The following KLF12 variants were observed in gnomAD, a reference collection of about 807,000 sequenced individuals.
KLF12 encodes the protein KLF transcription factor 12.
A neutral mutation model predicts 37.8 loss-of-function variants in KLF12; 9 were observed. That is an observed-to-expected ratio of 0.24 (90% CI 0.14 to 0.42). KLF12 has a LOEUF of 0.42. Ranked by LOEUF, KLF12 falls within the 10% of genes least tolerant of loss-of-function variation. The pLI, the probability that KLF12 is intolerant of heterozygous loss-of-function variation, is 1.00. For synonymous variants in KLF12, 208 were observed against 202.1 expected, an observed-to-expected ratio of 1.03 and a Z score of -0.25; for missense variants, 411 against 516.0, an observed-to-expected ratio of 0.80 and a Z score of 1.97.
At chr13:74,145,979 G>T in the KLF12 span, among the ~76,000 whole-genome samples, 1 of 152,130 alleles carries the variant, frequency 6.6e-6, no homozygotes, top group African/African-American at 2.4e-5. Flanking sequence ...AAATCTAAAA[G>T]AAGGTTTTAT....
At chr13:74,095,552 C>A (rs1229930681) in intron 1 of KLF12, among the ~76,000 whole-genome samples, 1 of 152,032 alleles carries the variant, frequency 6.6e-6, no homozygotes, top group African/African-American at 2.4e-5. Context: ...CCATGCCCAG[C>A]TTATTTTGTG....
At chr13:74,286,547 C>T in the KLF12 span, among the ~76,000 whole-genome samples, 9 of 152,124 alleles carry the variant, frequency 5.9e-5, no homozygotes, top group Non-Finnish European at 4.4e-5. Context: ...GCAGGTAATA[C>T]CATCCATGCA....
At chr13:74,237,971 A>G in the KLF12 span, among the ~76,000 whole-genome samples, 1 of 150,860 alleles carries the variant, frequency 6.6e-6, no homozygotes, top group African/African-American at 2.5e-5. Flanking sequence ...AACTTCCAAC[A>G]CTATGTTGAA....
intron 1 of KLF12, among the ~76,000 whole-genome samples, chr13:74,125,443 G>C (rs962563574): frequency 2.0e-5 from 3 of 152,064 alleles, no homozygotes; most frequent in Admixed American, 2.0e-4. Flanking sequence ...TGGATATTGT[G>C]CTACCCATTT....
At chr13:74,085,569 A>T (rs1277641652) in intron 1 of KLF12, among the ~76,000 whole-genome samples, 8 of 152,148 alleles carry the variant, frequency 5.3e-5, no homozygotes, top group Non-Finnish European at 1.2e-4. Context: ...TTTTAGAGAG[A>T]CCTAAAAATT....
At chr13:74,152,930 A>G in the KLF12 span, among the ~76,000 whole-genome samples, 15 of 144,980 alleles carry the variant, frequency 1.0e-4, no homozygotes, top group African/African-American at 3.3e-4. Context: ...TAATAATAAT[A>G]AAAACAGAGG....
the KLF12 span, among the ~76,000 whole-genome samples, chr13:74,282,930 C>T: frequency 1.6e-4 from 25 of 152,226 alleles, no homozygotes; most frequent in African/African-American, 5.5e-4. Context: ...GTTCTATTTT[C>T]TCTATGCTCA....
At chr13:74,291,083 A>G in the KLF12 span, among the ~76,000 whole-genome samples, 1 of 152,208 alleles carries the variant, frequency 6.6e-6, no homozygotes, top group African/African-American at 2.4e-5. Context: ...AAAATTTACC[A>G]GTTTGTAGGA....
intron 3 of KLF12, among the ~76,000 whole-genome samples, chr13:73,940,685 A>C (rs1291074788): frequency 1.3e-5 from 2 of 152,250 alleles, no homozygotes; most frequent in African/African-American, 4.8e-5. Context: ...TGTGCCAGAA[A>C]CTATAAGAGA....
At chr13:74,146,909 A>G in the KLF12 span, among the ~76,000 whole-genome samples, 1 of 152,226 alleles carries the variant, frequency 6.6e-6, no homozygotes, top group African/African-American at 2.4e-5. Context: ...ACTTCACACA[A>G]GTCCTCTTAA....
chr13:74,158,888 C>G, the KLF12 span, among the ~76,000 whole-genome samples: 1 of 152,058 alleles, frequency 6.6e-6, no homozygotes, highest in Non-Finnish European at 1.5e-5. Context: ...AAAAAGTCAC[C>G]CATCAATCAG....
chr13:74,090,941 AAAAG>A (rs1271793969), intron 1 of KLF12, among the ~76,000 whole-genome samples: 31 of 151,888 alleles, frequency 2.0e-4, no homozygotes, highest in Non-Finnish European at 3.2e-4. Context: ...GAAAAAAAAA[AAAAG>A]AAAGTAAGAA....
At chr13:74,060,543 T>C (rs1450367237) in intron 1 of KLF12, among the ~76,000 whole-genome samples, 1 of 142,172 alleles carries the variant, frequency 7.0e-6, no homozygotes, top group Admixed American at 7.1e-5. Context: ...GTAAATGGGG[T>C]TGAGTTCCTG....
chr13:74,073,392 A>T (rs1228040882), intron 1 of KLF12, among the ~76,000 whole-genome samples: 1 of 152,180 alleles, frequency 6.6e-6, no homozygotes, highest in African/African-American at 2.4e-5. Flanking sequence ...TACTTCCGTA[A>T]ATCTCTCTAA....
the KLF12 span, among the ~76,000 whole-genome samples, chr13:74,154,382 T>C: frequency 1.3e-5 from 2 of 152,240 alleles, no homozygotes; most frequent in Non-Finnish European, 2.9e-5. Context: ...AAATTATTTT[T>C]ACAAAATTAT....
chr13:73,841,850 A>C (rs958175244), intron 4 of KLF12, among the ~76,000 whole-genome samples: 1 of 152,152 alleles, frequency 6.6e-6, no homozygotes, highest in African/African-American at 2.4e-5. Flanking sequence ...TCAAGTGGAA[A>C]AATGTCTTCC....
chr13:73,902,079 G>A (rs1306020568), intron 3 of KLF12, among the ~76,000 whole-genome samples: 3 of 152,064 alleles, frequency 2.0e-5, no homozygotes, highest in Admixed American at 1.3e-4. Flanking sequence ...TGATTTTAAA[G>A]GCCATTTAAA....
chr13:74,113,625 C>T (rs920312190), intron 1 of KLF12, among the ~76,000 whole-genome samples: 3 of 152,190 alleles, frequency 2.0e-5, no homozygotes, highest in Non-Finnish European at 4.4e-5. Context: ...TATTACTGCT[C>T]GTTGACAATG....
chr13:74,294,159 T>C, the KLF12 span, among the ~76,000 whole-genome samples: 1 of 152,208 alleles, frequency 6.6e-6, no homozygotes, highest in Non-Finnish European at 1.5e-5. Context: ...GAACCACACT[T>C]TGAGTAAGTA....
Sources: allele counts gnomAD v4.1 joint callset (sites outside exome capture counted in the v4.1 genomes callset), GRCh38; gene constraint gnomAD v4.1.1; transcripts MANE v1.5; gene names NCBI Gene and HGNC (gene_info 2026-07-23, HGNC 2026-07-21).